Variants in AIFM3 observed in about 807,000 individuals in gnomAD.
AIFM3 encodes the protein apoptosis-inducing factor 3.
In AIFM3, 71 loss-of-function variants were observed where a neutral mutation model predicts 82.7. The observed-to-expected ratio is 0.86, with a 90% CI of 0.71 to 1.05. AIFM3 has a LOEUF of 1.05. AIFM3 is among the 50% of genes least tolerant of loss of function. AIFM3 has a pLI of 0.00. For synonymous variants in AIFM3, 337 were observed against 329.1 expected, an observed-to-expected ratio of 1.02 and a Z score of -0.26; for missense variants, 748 against 816.7, an observed-to-expected ratio of 0.92 and a Z score of 1.03.
chr22:20,975,391 G>T (rs555388139), intron 8 of AIFM3, among the ~76,000 whole-genome samples: 2 of 149,432 alleles, frequency 1.3e-5, no homozygotes, highest in Non-Finnish European at 3.0e-5. Context: ...TCTGCCTCCC[G>T]GGTAGCTAGG....
chr22:20,980,544 T>C, intron 19 of AIFM3: 1 of 664,676 alleles, frequency 1.5e-6, no homozygotes, highest in Non-Finnish European at 2.7e-6. Flanking sequence ...ACCAGCCAGT[T>C]CCCTTATCCT....
intron 2 of AIFM3, among the ~76,000 whole-genome samples, chr22:20,968,742 T>TAG (rs1025704842): frequency 2.6e-5 from 4 of 151,930 alleles, no homozygotes; most frequent in African/African-American, 9.7e-5. Flanking sequence ...AACTGAGGCT[T>TAG]AGAGAGACCT....
In AIFM3 at chr22:20,972,571, A is replaced by G. The variant is rs566699720; in HGVS notation, c.32-736A>G. ...ACTGGCTGGGAACTGAGCTGCTGCC[A>G]CTTTTGAATTCCTGTATGTACATGA... On this transcript the variant is annotated intron_variant, in intron 2 of 20. Coordinates refer to ENST00000440238, the MANE Select transcript of AIFM3 (RefSeq NM_001386814.1). Among the ~76,000 whole-genome samples the G allele has an allele frequency of 1.0e-3, 154 of 152,216 alleles. 1 individual carries two copies. Among genetic ancestry groups the G allele is most frequent in the African/African-American group, 3.0e-3 (125 of 41,540 alleles).
At chr22:20,979,738 C>G in intron 18 of AIFM3, 36 bp downstream of exon 18, 2 of 1,611,388 alleles carry the variant, frequency 1.2e-6, no homozygotes, top group South Asian at 1.1e-5. Context: ...CGCGAAGCAG[C>G]GGGAGCTCAG....
In AIFM3 at chr22:20,980,075, G is replaced by T; in HGVS notation, c.1708G>T (p.Val570Phe). 6.2e-7 allele frequency: 1 copy of T among 1,610,986 alleles called. No individual in the cohort carries two copies. Residue 570 changes from valine to phenylalanine, a missense_variant, in exon 19 of 21, where the codon GTC becomes TTC. Transcript: ENST00000440238. ...SMNYDPIVSK[V>F]AEVLASGRAI... ...GAACTACGATCCCATTGTGTCCAAG[G>T]TCGCTGAGGTGCTGGCCTCAGGCCG...
At chr22:20,977,807 C>A (rs1472102675) in intron 15 of AIFM3, 31 bp downstream of exon 15, 1 of 1,614,054 alleles carries the variant, frequency 6.2e-7, no homozygotes, top group South Asian at 1.1e-5. Context: ...TGGGGAGGAC[C>A]CGGTGCTGGG....
chr22:20,973,447 C>T lies in AIFM3; in HGVS notation c.172C>T (p.Pro58Ser). 6.2e-7 allele frequency: 1 copy of T among 1,613,236 alleles called. No homozygotes were observed. The highest frequency in any genetic ancestry group is 8.5e-7 in the Non-Finnish European group (1 of 1,180,004). The change falls in exon 3 of 21, where the codon CCT (proline) becomes TCT (serine). Residue 58 changes from proline to serine, a missense_variant. Physicochemically the swap from Pro to Ser is moderately conservative, Grantham distance 74. Coordinates refer to ENST00000440238, the MANE Select transcript of AIFM3 (RefSeq NM_001386814.1). Reference sequence around the variant, plus strand: ...CCACACGGAGGAGCGCCTGTCCACCCCTCACCCCTACCCCAGCCCTCAGGA... The same window carrying T: ...CCACACGGAGGAGCGCCTGTCCACCTCTCACCCCTACCCCAGCCCTCAGGA... ...HFHTEERLSTPHPYPSPQDCV... is the reference protein window; with the variant it reads ...HFHTEERLSTSHPYPSPQDCV...
chr22:20,976,125 C>A, intron 9 of AIFM3, 90 bp from the exon 10 acceptor site: 1 of 1,409,482 alleles, frequency 7.1e-7, no homozygotes, highest in Non-Finnish European at 9.9e-7. Context: ...GAGGCTGTGG[C>A]TGGGCTGTGG....
intron 19 of AIFM3, 189 bp downstream of exon 19, chr22:20,980,313 T>C (rs1924012638): frequency 3.3e-6 from 2 of 614,412 alleles, no homozygotes; most frequent in Admixed American, 5.8e-5. Flanking sequence ...GCTGGTTATG[T>C]GTTCATGGTG....
At chr22:20,967,715 C>G in intron 1 of AIFM3, 90 bp from the exon 2 acceptor site, 1 of 590,794 alleles carries the variant, frequency 1.7e-6, no homozygotes. Flanking sequence ...ATGTAAGACT[C>G]TTTCCGAAGC....
chr22:20,976,823 G>T, intron 12 of AIFM3, 44 bp from the exon 13 acceptor site: 1 of 1,593,430 alleles, frequency 6.3e-7, no homozygotes, highest in Non-Finnish European at 8.6e-7. Context: ...CCGGCCCCTG[G>T]CTGGGCTCTC....
At chr22:20,965,701 G>A (rs1922838312), upstream of AIFM3, among the ~76,000 whole-genome samples, 1 of 152,130 alleles carries the variant, frequency 6.6e-6, no homozygotes, top group Admixed American at 6.5e-5. Context: ...AGGAGCCCTT[G>A]GGATGAGGCA....
Position 20,973,590 on chromosome 22 carries a change from G to T in AIFM3, c.245+70G>T. The T allele has an allele frequency of 6.7e-6, 10 of 1,499,112 alleles. No individual in the cohort carries two copies. The South Asian group carries it at 1.2e-4, about 19-fold the overall frequency. The allele number at this position is 1,499,112 out of a possible 1,614,324, so 92.9% of individuals were successfully genotyped here. ...GTGGGAGGGTGAGGGGGCCATAGCC[G>T]GGGGTCGGGGTTGGCCTGAAGGGGC... On this transcript the variant is annotated intron_variant, in intron 3 of 20. Coordinates refer to ENST00000440238, the MANE Select transcript of AIFM3 (RefSeq NM_001386814.1).
intron 2 of AIFM3, among the ~76,000 whole-genome samples, chr22:20,971,697 C>T (rs553247311): frequency 6.6e-5 from 10 of 152,286 alleles, no homozygotes; most frequent in African/African-American, 2.2e-4. Context: ...AGAGAGGTAC[C>T]TCCTGCTCCA....
chr22:20,973,654 T>C, intron 3 of AIFM3, 104 bp from the exon 4 acceptor site: 7 of 1,402,356 alleles, frequency 5.0e-6, no homozygotes, highest in Non-Finnish European at 6.8e-6. Flanking sequence ...CTTTGTGGCT[T>C]CTACCGGTCT....
At position 20,979,704 on chromosome 22, in the gene AIFM3, T is replaced by C. The variant is rs763105943; in HGVS notation, c.1652+2T>C. ...GAAGTTTGTGGCTTTTTACACTAAG[T>C]GAGAGCACCGGGGTGCAGCTTGGCG... is the stretch of plus-strand genomic sequence containing the variant. On this transcript the variant is annotated splice_donor_variant, in intron 18 of 20. Transcript: ENST00000440238. LOFTEE classifies it high-confidence loss of function. 3.7e-6 allele frequency: 6 copies of C among 1,614,090 alleles called. No homozygotes were observed. In the South Asian group the frequency reaches 6.6e-5, roughly 18 times the overall value.
chr22:20,974,660 G>T (rs1403625958), intron 7 of AIFM3, 39 bp downstream of exon 7: 2 of 1,613,422 alleles, frequency 1.2e-6, no homozygotes, highest in African/African-American at 2.7e-5. Context: ...TGGGAGATGG[G>T]ATTGGTGAGA....
rs1381637352 is a variant in AIFM3 at position 20,977,053 on chromosome 22, A to G, written c.1240A>G (p.Ser414Gly). 2 of 1,614,006 alleles carry G rather than the reference A, an allele frequency of 1.2e-6. No individual in the cohort carries two copies. Among genetic ancestry groups the G allele is most frequent in the Non-Finnish European group, 1.7e-6 (2 of 1,180,026 alleles). The change falls in exon 14 of 21, where the codon AGC (serine) becomes GGC (glycine). Residue 414 changes from serine to glycine, a missense_variant. Ser to Gly is a moderately conservative substitution (Grantham distance 56, BLOSUM62 0). Around this residue, in one of 5 missense-constraint regions of AIFM3, gnomAD observed 393 missense variants for 481.1 expected, o/e 0.82. Coordinates refer to ENST00000440238, the MANE Select transcript of AIFM3 (RefSeq NM_001386814.1). ...EGKLKEVVLK[S>G]SKVVRADVCV... Reference sequence around the variant, plus strand: ...ACAGCTGAAGGAGGTTGTGCTGAAGAGCAGCAAGGTCGTGCGGGCTGACGT... The same window carrying G: ...ACAGCTGAAGGAGGTTGTGCTGAAGGGCAGCAAGGTCGTGCGGGCTGACGT...
chr22:20,974,077 G>C lies in AIFM3; in HGVS notation c.370G>C (p.Gly124Arg), dbSNP rs760897659. 3 of 1,610,018 alleles carry C rather than the reference G, an allele frequency of 1.9e-6. No homozygotes were observed. The highest frequency in any genetic ancestry group is 2.5e-6 in the Non-Finnish European group (3 of 1,179,382). The change falls in exon 5 of 21, where the codon GGT (glycine) becomes CGT (arginine). Residue 124 changes from glycine to arginine, a missense_variant. Transcript: ENST00000440238. Reference sequence around the variant, plus strand: ...CCCCTTCCCAGGCGTTCTGTCCCGTGGTCGGGTGCGCTGCCCCTGGCACGG... The same window carrying C: ...CCCCTTCCCAGGCGTTCTGTCCCGTCGTCGGGTGCGCTGCCCCTGGCACGG... Reference protein sequence around the residue: ...APLVKGVLSRGRVRCPWHGAC... With the variant: ...APLVKGVLSRRRVRCPWHGAC...
Sources: allele counts gnomAD v4.1 joint callset (sites outside exome capture counted in the v4.1 genomes callset), GRCh38; gene constraint gnomAD v4.1.1; regional missense constraint gnomAD v4.1.1; transcripts MANE v1.5; gene names NCBI Gene and HGNC (gene_info 2026-07-23, HGNC 2026-07-21).